The following CMPK2 variants were observed in gnomAD, a reference collection of about 807,000 sequenced individuals.
The protein encoded by CMPK2 is UMP-CMP kinase 2, mitochondrial.
A neutral mutation model predicts 33.4 loss-of-function variants in CMPK2; 32 were observed. The ratio of observed to expected loss-of-function variants is 0.96; its 90% confidence interval spans 0.72 to 1.29. The LOEUF (loss-of-function observed/expected upper bound fraction) is 1.29, where lower values mean the gene tolerates loss of function less well. Among genes scored for constraint, CMPK2 ranks in the 50% most tolerant of loss-of-function variants. CMPK2 has a pLI of 0.00. For synonymous variants in CMPK2, 299 were observed against 275.3 expected (o/e 1.09, Z -0.85); for missense variants, 672 against 616.0 (o/e 1.09, Z -0.96).
chr2:6,861,281 G>A lies in CMPK2; in HGVS notation c.895C>T (p.Pro299Ser), dbSNP rs779241725. 6.2e-7 allele frequency: 1 copy of A among 1,613,874 alleles called. No individual in the cohort carries two copies. The highest frequency in any genetic ancestry group is 8.5e-7 in the Non-Finnish European group (1 of 1,179,798). The change falls in exon 3 of 5, where the codon CCA becomes TCA. Residue 299 changes from proline (P) to serine (S), a missense_variant. Coordinates refer to ENST00000256722, the MANE Select transcript of CMPK2 (RefSeq NM_207315.4). ...TAAAAAGCTCTTCTAATGATAGTTG[G>A]TTCATCATCAAAGATCTTCCTCCAC... ...GQWRKIFDDE[P>S]TIIRRAFYSL...
At chr2:6,840,661 G>C (rs764026890) in exon 4 of CMPK2, 1 of 702,182 alleles carries the variant, frequency 1.4e-6, no homozygotes, top group Admixed American at 2.0e-5. Context: ...ATGGTATAAG[G>C]TTCCTCCCAG....
At chr2:6,848,306 G>A, downstream of CMPK2, 2 of 959,314 alleles carry the variant, frequency 2.1e-6, no homozygotes, top group African/African-American at 1.8e-5. Flanking sequence ...ATGTACCCAG[G>A]ATGACAGCAT....
downstream of CMPK2, chr2:6,848,238 C>A: frequency 1.6e-6 from 1 of 610,794 alleles, no homozygotes; most frequent in Non-Finnish European, 2.0e-6. Context: ...AAATTTCCCT[C>A]CTTTACATCA....
chr2:6,865,460 C>T lies in CMPK2; in HGVS notation c.237G>A (p.Val79=). ...PERSYSLCVP[V]TPDAGCGARV... is the part of the protein sequence containing the mutation. ...GGGCCCCGCAGCCGGCGTCCGGGGTCACGGGCACGCACAGCGAGTAGCTGC... is the reference window on the plus strand; with the variant it reads ...GGGCCCCGCAGCCGGCGTCCGGGGTTACGGGCACGCACAGCGAGTAGCTGC... The change falls in exon 1 of 5, where the codon GTG becomes GTA. Residue 79 remains valine, a synonymous_variant. Transcript: ENST00000256722. The T allele has an allele frequency of 1.6e-6, 2 of 1,272,962 alleles. No homozygotes were observed. Among genetic ancestry groups the T allele is most frequent in the Non-Finnish European group, 9.9e-7 (1 of 1,013,986 alleles). 78.9% of individuals were successfully genotyped at this position (1,272,962 alleles called of 1,614,324 possible).
At chr2:6,844,391 C>T (rs766467872), downstream of CMPK2, among the ~76,000 whole-genome samples, 15 of 152,104 alleles carry the variant, frequency 9.9e-5, no homozygotes, top group African/African-American at 2.9e-4. Flanking sequence ...ATTAGCTTTC[C>T]GTCAACTGAA....
At chr2:6,864,115 G>A (rs993847566) in intron 1 of CMPK2, among the ~76,000 whole-genome samples, 3 of 152,172 alleles carry the variant, frequency 2.0e-5, no homozygotes, top group African/African-American at 7.2e-5. Flanking sequence ...GCATCTCAGA[G>A]CGAGGCTCAG....
intron 3 of CMPK2, among the ~76,000 whole-genome samples, chr2:6,855,730 G>A (rs1662665578): frequency 6.6e-6 from 1 of 151,956 alleles, no homozygotes. Flanking sequence ...ACTACTCAAG[G>A]GCCATCACAG....
intron 3 of CMPK2, among the ~76,000 whole-genome samples, chr2:6,843,192 A>AT (rs370027294): frequency 1.4e-3 from 212 of 152,326 alleles, no homozygotes; most frequent in African/African-American, 5.0e-3. Flanking sequence ...GCAAACAAGT[A>AT]TTGGGAGGTG....
At chr2:6,847,031 A>G (rs1036858253), downstream of CMPK2, among the ~76,000 whole-genome samples, 4 of 152,182 alleles carry the variant, frequency 2.6e-5, no homozygotes, top group African/African-American at 7.2e-5. Flanking sequence ...ATAAGCGAAA[A>G]AAGAAAGCTC....
chr2:6,857,203 C>T (rs1187733991), intron 3 of CMPK2, among the ~76,000 whole-genome samples: 1 of 152,148 alleles, frequency 6.6e-6, no homozygotes, highest in Non-Finnish European at 1.5e-5. Flanking sequence ...TGATTATAAT[C>T]TTCTCATCCA....
In CMPK2 at chr2:6,865,279, G is replaced by A. The variant is rs1400545799; in HGVS notation, c.418C>T (p.Pro140Ser). 6 of 1,533,612 alleles carry A rather than the reference G, an allele frequency of 3.9e-6. No individual in the cohort carries two copies. Among genetic ancestry groups the A allele is most frequent in the Non-Finnish European group, 5.2e-6 (6 of 1,148,410 alleles). ...GFLLRDPLDD[P>S]DTRQALLELL... ...TCGAGCAGCGCTTGCCGGGTGTCAG[G>A]GTCATCCAGGGGGTCGCGCAGCAGG... The change falls in exon 1 of 5, where the codon CCT becomes TCT. Residue 140 changes from proline to serine, a missense_variant. By Grantham distance (74) the Pro-to-Ser change is moderately conservative (BLOSUM62 -1). Transcript: ENST00000256722.
At position 6,855,449 on chromosome 2, in the gene CMPK2, T is replaced by C. The variant is rs115013404; in HGVS notation, c.993-3766A>G. 3.1e-3 allele frequency among the ~76,000 whole-genome samples: 475 copies of C among 152,062 alleles called. 3 individuals are homozygous for C. The highest frequency in any genetic ancestry group is 0.011 in the African/African-American group (462 of 41,440). On this transcript the variant is annotated intron_variant, in intron 3 of 4. Transcript: ENST00000256722. ...ATGCCTCCCATATAGCCATGCAGAA[T>C]TGTCAGTCAACTAAACCTCTTTTCT...
intron 3 of CMPK2, among the ~76,000 whole-genome samples, chr2:6,853,197 G>A (rs747572911): frequency 2.6e-5 from 4 of 152,206 alleles, no homozygotes; most frequent in Middle Eastern, 6.8e-3. Flanking sequence ...TGATCCACCC[G>A]CCTTGGCCTC....
chr2:6,863,869 T>C (rs551275459), intron 1 of CMPK2, among the ~76,000 whole-genome samples: 12 of 152,328 alleles, frequency 7.9e-5, no homozygotes, highest in Admixed American at 2.6e-4. Flanking sequence ...CATCACAATG[T>C]CCTGTGACAC....
intron 3 of CMPK2, among the ~76,000 whole-genome samples, chr2:6,854,108 T>G (rs1662613756): frequency 6.6e-6 from 1 of 152,150 alleles, no homozygotes; most frequent in Non-Finnish European, 1.5e-5. Context: ...CCAGATGAAT[T>G]TTGTCCCTCA....
chr2:6,850,705 C>T (rs1662492361), intron 4 of CMPK2: 1 of 962,672 alleles, frequency 1.0e-6, no homozygotes, highest in Non-Finnish European at 1.2e-6. Context: ...AATTGCTTAA[C>T]ATAATATCTT....
chr2:6,857,427 T>C (rs1006301599), intron 3 of CMPK2, among the ~76,000 whole-genome samples: 13 of 151,482 alleles, frequency 8.6e-5, no homozygotes, highest in Non-Finnish European at 1.5e-4. Flanking sequence ...GGATTCTCCT[T>C]CCTGAGTCTC....
At position 6,849,047 on chromosome 2, in the gene CMPK2, T is replaced by C; in HGVS notation, c.*803A>G. 1 of 983,330 alleles carries C rather than the reference T, an allele frequency of 1.0e-6. No homozygotes were observed. Among genetic ancestry groups the C allele is most frequent in the Non-Finnish European group, 1.2e-6 (1 of 827,758 alleles). The allele number at this position is 983,330 out of a possible 1,614,324, so 60.9% of individuals were successfully genotyped here. The stretch of plus-strand genomic sequence containing the variant: ...AGATTAATATAAATAAATTACTGGA[T>C]TGGCTAAATGAAATGCATCCAGTTC... On this transcript the variant is annotated 3_prime_UTR_variant, in exon 5 of 5. Transcript: ENST00000256722.
Position 6,848,733 on chromosome 2 carries a change from T to C in CMPK2, c.*1117A>G. ...TTGAACTGGAAGGAATTTTAGGTAATCACCTGGTTCAACCTACTCCCTAAA... is the reference window on the plus strand; with the variant it reads ...TTGAACTGGAAGGAATTTTAGGTAACCACCTGGTTCAACCTACTCCCTAAA... On this transcript the variant is annotated 3_prime_UTR_variant, in exon 5 of 5. Coordinates refer to ENST00000256722, the MANE Select transcript of CMPK2 (RefSeq NM_207315.4). The C allele has an allele frequency of 2.0e-6, 2 of 985,830 alleles. No homozygotes were observed. Among genetic ancestry groups the C allele is most frequent in the Non-Finnish European group, 1.2e-6 (1 of 829,882 alleles). The allele number at this position is 985,830 out of a possible 1,614,324, so 61.1% of individuals were successfully genotyped here.
Sources: allele counts gnomAD v4.1 joint callset (sites outside exome capture counted in the v4.1 genomes callset), GRCh38; gene constraint gnomAD v4.1.1; transcripts MANE v1.5; gene names NCBI Gene and HGNC (gene_info 2026-07-23, HGNC 2026-07-21).